AGBL4: variants seen among roughly 807,000 people sequenced by gnomAD.
AGBL4 encodes the protein cytosolic carboxypeptidase 6.
AGBL4 carries 58 observed loss-of-function variants against 66.4 expected under a neutral mutation model. That is an observed-to-expected ratio of 0.87 (90% CI 0.71 to 1.09). The LOEUF (loss-of-function observed/expected upper bound fraction) is 1.09. AGBL4 is among the 50% of genes least tolerant of loss of function. The pLI is 0.00. For missense variants in AGBL4, 579 were observed against 631.0 expected (o/e 0.92, Z 0.88); for synonymous variants, 234 against 222.9 (o/e 1.05, Z -0.44).
intron 4 of AGBL4, among the ~76,000 whole-genome samples, chr1:49,148,793 G>A (rs1463692258): frequency 6.6e-6 from 1 of 152,196 alleles, no homozygotes; most frequent in Non-Finnish European, 1.5e-5. Flanking sequence ...TTCCCCAGAT[G>A]TAGAGACAAT....
intron 1 of AGBL4, among the ~76,000 whole-genome samples, chr1:49,979,305 C>CA (rs1223615147): frequency 2.0e-5 from 3 of 150,830 alleles, no homozygotes; most frequent in Non-Finnish European, 3.0e-5. Flanking sequence ...ACTAAAAATA[C>CA]AAAAAATTAG....
At chr1:48,598,767 C>T (rs975317527) in intron 9 of AGBL4, among the ~76,000 whole-genome samples, 15 of 151,900 alleles carry the variant, frequency 9.9e-5, no homozygotes, top group African/African-American at 2.4e-4. Flanking sequence ...TCAGCCACCA[C>T]GCCTGGCCTC....
chr1:48,705,003 C>T (rs1646860085), intron 6 of AGBL4, among the ~76,000 whole-genome samples: 1 of 152,156 alleles, frequency 6.6e-6, no homozygotes, highest in Non-Finnish European at 1.5e-5. Context: ...CTTTCTACTA[C>T]AATATAGCAA....
chr1:49,447,968 G>A (rs1014767958), intron 3 of AGBL4, among the ~76,000 whole-genome samples: 1 of 152,034 alleles, frequency 6.6e-6, no homozygotes, highest in African/African-American at 2.4e-5. Flanking sequence ...ACTCTACTTA[G>A]CTCCTGAGTG....
At chr1:49,406,821 T>C (rs1320391856) in intron 3 of AGBL4, among the ~76,000 whole-genome samples, 1 of 151,900 alleles carries the variant, frequency 6.6e-6, no homozygotes, top group East Asian at 1.9e-4. Flanking sequence ...ATCCCAGCAC[T>C]TTGGGAGGCC....
At chr1:48,583,599 G>A (rs189038859) in intron 11 of AGBL4, among the ~76,000 whole-genome samples, 2 of 152,230 alleles carry the variant, frequency 1.3e-5, no homozygotes, top group East Asian at 3.9e-4. Context: ...AAGGTCCTTG[G>A]TCCCTTTGTA....
At chr1:49,837,293 C>T (rs1356070657) in intron 2 of AGBL4, among the ~76,000 whole-genome samples, 1 of 152,196 alleles carries the variant, frequency 6.6e-6, no homozygotes, top group Non-Finnish European at 1.5e-5. Context: ...TGGCTATAGC[C>T]ACTTTGCTGA....
chr1:49,924,497 A>C (rs1450427819), intron 1 of AGBL4, among the ~76,000 whole-genome samples: 1 of 148,052 alleles, frequency 6.8e-6, no homozygotes, highest in Admixed American at 6.7e-5. Context: ...TTTTATTTGG[A>C]TTTATTTATT....
chr1:49,245,832 T>G lies in AGBL4; in HGVS notation c.315A>C (p.Lys105Asn). The change falls in exon 4 of 14, where the codon AAA (lysine) becomes AAC (asparagine). Residue 105 changes from lysine to asparagine, a missense_variant. Transcript: ENST00000371839. ...TCCCATCTCTATAGAGACTCTTGGT[T>G]TTACTGAAGTTAACAATGTTGAAAA... ...RVIFNIVNFS[K>N]TKSLYRDGMA... 1 of 1,549,580 alleles carries G rather than the reference T, an allele frequency of 6.5e-7. No homozygotes were observed. The highest frequency in any genetic ancestry group is 8.7e-7 in the Non-Finnish European group (1 of 1,145,480).
intron 3 of AGBL4, among the ~76,000 whole-genome samples, chr1:49,534,451 C>T (rs1447958114): frequency 3.3e-5 from 5 of 152,174 alleles, no homozygotes; most frequent in Non-Finnish European, 7.3e-5. Flanking sequence ...GCCTCACATA[C>T]ACCTTTCCCA....
At chr1:48,976,800 C>G (rs1659373667) in intron 5 of AGBL4, among the ~76,000 whole-genome samples, 1 of 152,104 alleles carries the variant, frequency 6.6e-6, no homozygotes, top group African/African-American at 2.4e-5. Flanking sequence ...TTAGTCTTAA[C>G]TCCAATATCC....
chr1:48,856,531 C>A (rs1017270546), intron 6 of AGBL4, among the ~76,000 whole-genome samples: 2 of 152,042 alleles, frequency 1.3e-5, no homozygotes, highest in Non-Finnish European at 2.9e-5. Flanking sequence ...CTGCAGGTCT[C>A]ATATTGGCTC....
At chr1:49,534,158 C>A (rs1354251509) in intron 3 of AGBL4, among the ~76,000 whole-genome samples, 7 of 95,738 alleles carry the variant, frequency 7.3e-5, no homozygotes, top group South Asian at 3.8e-4. Flanking sequence ...AAGCAGGGAT[C>A]AACACCATTT....
intron 9 of AGBL4, among the ~76,000 whole-genome samples, chr1:48,622,694 G>C (rs1169053294): frequency 6.6e-6 from 1 of 152,132 alleles, no homozygotes; most frequent in East Asian, 1.9e-4. Context: ...ATGTTGGCCA[G>C]GCTGGTCTCA....
rs934503025 is a variant in AGBL4, at chr1:49,399,524, G to C, written c.283-153660C>G. On this transcript the variant is annotated intron_variant, in intron 3 of 13. Coordinates refer to ENST00000371839, the MANE Select transcript of AGBL4 (RefSeq NM_032785.4). ...AGCATTTGTTATTGCTTGTCTTGTGGATATAAGTCATTTTATCTGAGGTGA... is the reference window on the plus strand; with the variant it reads ...AGCATTTGTTATTGCTTGTCTTGTGCATATAAGTCATTTTATCTGAGGTGA... Among the ~76,000 whole-genome samples, 3 of 151,992 alleles carry C rather than the reference G, an allele frequency of 2.0e-5. No homozygotes were observed. In the East Asian group the frequency reaches 5.8e-4, roughly 29 times the overall value.
chr1:49,936,295 T>A (rs188601620), intron 1 of AGBL4, among the ~76,000 whole-genome samples: 12,375 of 151,988 alleles, frequency 0.081, 707 homozygotes, highest in African/African-American at 0.17. Context: ...GAAAAAAGAA[T>A]AAAAAGAAAC....
chr1:49,176,116 TTGATGATGATGACCGGTGGTGG>T (rs1418522143), intron 4 of AGBL4, among the ~76,000 whole-genome samples: 2 of 152,072 alleles, frequency 1.3e-5, no homozygotes, highest in African/African-American at 4.8e-5. Flanking sequence ...CCATAAAGGT[TTGATGATGATGACCGGTGGTGG>T]TGATGATGAT....
intron 5 of AGBL4, among the ~76,000 whole-genome samples, chr1:48,974,332 G>A (rs184703894): frequency 6.6e-6 from 1 of 152,240 alleles, no homozygotes; most frequent in Admixed American, 6.5e-5. Flanking sequence ...TGTGAGGGCA[G>A]CCTATGGAAT....
At chr1:49,354,375 AT>A (rs1355819550) in intron 3 of AGBL4, among the ~76,000 whole-genome samples, 2 of 152,128 alleles carry the variant, frequency 1.3e-5, no homozygotes, top group Admixed American at 1.3e-4. Flanking sequence ...AGGTTTTCTC[AT>A]TTGGCTTCAT....
Sources: gnomAD v4.1 joint callset for allele counts (sites outside exome capture counted in the v4.1 genomes callset) on GRCh38, gnomAD v4.1.1 for gene constraint, MANE v1.5 for transcripts, NCBI Gene and HGNC (gene_info 2026-07-23, HGNC 2026-07-21) for gene names.